Variants in COL4A4 observed in about 807,000 individuals in gnomAD.
COL4A4 encodes the protein collagen type IV alpha 4 chain.
COL4A4 carries 105 observed loss-of-function variants against 192.9 expected under a neutral mutation model. The ratio of observed to expected loss-of-function variants is 0.54; its 90% CI spans 0.46 to 0.64. The LOEUF (loss-of-function observed/expected upper bound fraction) is 0.64, where lower values mean the gene tolerates loss of function less well. COL4A4 is among the 30% of genes least tolerant of loss of function. The pLI is 0.00. For synonymous variants in COL4A4, 762 were observed against 769.9 expected (o/e 0.99, Z 0.17); for missense variants, 1,967 against 2,169.3 (o/e 0.91, Z 1.85).
At chr2:227,056,713 T>G (rs1407611403) in intron 29 of COL4A4, among the ~76,000 whole-genome samples, 1 of 152,178 alleles carries the variant, frequency 6.6e-6, no homozygotes, top group East Asian at 1.9e-4. Flanking sequence ...ATCACCAATG[T>G]GATAGTATTA....
At chr2:226,988,670 C>T in the COL4A4 span, 6 of 984,030 alleles carry the variant, frequency 6.1e-6, no homozygotes, top group Non-Finnish European at 7.2e-6. Flanking sequence ...TTTAATATTC[C>T]GAAGGGTTTT....
At chr2:226,992,591 C>T in the COL4A4 span, among the ~76,000 whole-genome samples, 1 of 152,194 alleles carries the variant, frequency 6.6e-6, no homozygotes. Flanking sequence ...AGGAGACCCA[C>T]GTGGGAACTT....
chr2:227,041,799 AGAAAGG>A (rs1559476691), intron 37 of COL4A4, among the ~76,000 whole-genome samples: 3 of 53,570 alleles, frequency 5.6e-5, no homozygotes, highest in African/African-American at 2.8e-4. Context: ...AAAGAAAGAA[AGAAAGG>A]AAGAAAGAAA....
chr2:227,033,513 G>T, intron 37 of COL4A4, 32 bp from the exon 38 acceptor site: 2 of 1,594,138 alleles, frequency 1.3e-6, no homozygotes, highest in Non-Finnish European at 1.7e-6. Context: ...TGACCCAAAG[G>T]AAGACCAGCC....
intron 1 of COL4A4, among the ~76,000 whole-genome samples, chr2:227,154,070 G>A (rs555788706): frequency 6.6e-6 from 1 of 152,192 alleles, no homozygotes; most frequent in African/African-American, 2.4e-5. Flanking sequence ...GGCCTTTGAA[G>A]TCCACCTTGC....
chr2:226,979,572 A>G, the COL4A4 span, among the ~76,000 whole-genome samples: 1 of 152,130 alleles, frequency 6.6e-6, no homozygotes, highest in African/African-American at 2.4e-5. Context: ...AGGCAGGAGG[A>G]GAGGAAGCAA....
chr2:227,068,478 G>T (rs2058493557), intron 25 of COL4A4, among the ~76,000 whole-genome samples: 1 of 152,154 alleles, frequency 6.6e-6, no homozygotes, highest in Non-Finnish European at 1.5e-5. Flanking sequence ...AAAAAATACT[G>T]GCAAACCGAA....
At chr2:226,999,784 C>A (rs1035764926), downstream of COL4A4, among the ~76,000 whole-genome samples, 1 of 152,084 alleles carries the variant, frequency 6.6e-6, no homozygotes, top group Admixed American at 6.6e-5. Context: ...CAAGCAAAAC[C>A]CTAGAAACAA....
At chr2:227,147,296 T>C (rs2063611018) in intron 2 of COL4A4, 117 bp downstream of exon 2, 1 of 957,892 alleles carries the variant, frequency 1.0e-6, no homozygotes. Flanking sequence ...TACCCTTAGC[T>C]TTCTGGAATG....
In COL4A4 at chr2:227,103,165, C is replaced by A. The variant is rs2150794070; in HGVS notation, c.849G>T (p.Leu283=). ...GIKGIPGMVG[L]PGPPGRKGES... ...CTACCTTGCGTCCTGGTGGTCCTGG[C>A]AGTCCAACCATTCCAGGAATTCCTT... Residue 283 remains leucine, a synonymous_variant, in exon 14 of 48, where the codon CTG becomes CTT. Coordinates refer to ENST00000396625, the MANE Select transcript of COL4A4 (RefSeq NM_000092.5). 3 of 1,612,718 alleles carry A rather than the reference C, an allele frequency of 1.9e-6. No homozygotes were observed. The highest frequency in any genetic ancestry group is 4.5e-5 in the East Asian group (2 of 44,850).
chr2:227,007,647 A>G lies in COL4A4; in HGVS notation c.4810-59T>C, dbSNP rs1575691115. 3.1e-6 allele frequency: 5 copies of G among 1,607,076 alleles called. No homozygotes were observed. The East Asian group carries it at 1.1e-4, about 36-fold the overall frequency. On this transcript the variant is annotated intron_variant, in intron 47 of 47. Transcript: ENST00000396625. ...ACACACACAGACAACCCCAGACCCA[A>G]TCAGGGACACACCCAGGTTTGGGTC...
chr2:227,088,952 C>A (rs1021953489), intron 21 of COL4A4, 136 bp from the exon 22 acceptor site: 3 of 1,040,596 alleles, frequency 2.9e-6, no homozygotes, highest in East Asian at 5.1e-5. Context: ...ATTGAGAGCA[C>A]GTGCTGTGGG....
intron 25 of COL4A4, among the ~76,000 whole-genome samples, chr2:227,073,961 T>G (rs191378428): frequency 1.3e-5 from 2 of 151,940 alleles, no homozygotes; most frequent in East Asian, 3.9e-4. Context: ...AAGACAACAT[T>G]GGAAAAACTC....
At chr2:227,112,862 G>T (rs1157887411) in intron 8 of COL4A4, among the ~76,000 whole-genome samples, 2 of 152,096 alleles carry the variant, frequency 1.3e-5, no homozygotes, top group Non-Finnish European at 2.9e-5. Context: ...TATCTTCAAG[G>T]TTCATCCATG....
chr2:227,015,337 G>C (rs974424256), intron 44 of COL4A4, among the ~76,000 whole-genome samples: 2 of 152,154 alleles, frequency 1.3e-5, no homozygotes, highest in Non-Finnish European at 2.9e-5. Context: ...GTAGTTACTG[G>C]ACCAGCAGCA....
intron 4 of COL4A4, among the ~76,000 whole-genome samples, chr2:227,128,148 C>A (rs934728607): frequency 5.3e-5 from 8 of 152,176 alleles, no homozygotes; most frequent in African/African-American, 1.9e-4. Context: ...ACCTAGCAAG[C>A]TCAGATTCAC....
chr2:226,978,034 ATGT>A, the COL4A4 span, among the ~76,000 whole-genome samples: 1 of 152,202 alleles, frequency 6.6e-6, no homozygotes, highest in African/African-American at 2.4e-5. Flanking sequence ...TAGATCTGTC[ATGT>A]TGGTGTAGTG....
At chr2:227,067,259 T>A (rs373142227) in intron 25 of COL4A4, among the ~76,000 whole-genome samples, 1 of 151,880 alleles carries the variant, frequency 6.6e-6, no homozygotes, top group Non-Finnish European at 1.5e-5. Context: ...CTCCCACACA[T>A]TAATAATGGG....
chr2:227,126,446 T>C (rs1559690556), intron 4 of COL4A4, among the ~76,000 whole-genome samples: 1 of 152,268 alleles, frequency 6.6e-6, no homozygotes, highest in African/African-American at 2.4e-5. Flanking sequence ...GCAATGACTC[T>C]GAATAACAGA....
Sources: allele counts gnomAD v4.1 joint callset (sites outside exome capture counted in the v4.1 genomes callset), GRCh38; gene constraint gnomAD v4.1.1; transcripts MANE v1.5; gene names NCBI Gene and HGNC (gene_info 2026-07-23, HGNC 2026-07-21).